The following SAMTOR variants were observed in gnomAD, a reference collection of about 807,000 sequenced individuals.
SAMTOR encodes S-adenosylmethionine sensor upstream of mTORC1.
chr7:112,898,908 C>T, the SAMTOR span, among the ~76,000 whole-genome samples: 1 of 152,166 alleles, frequency 6.6e-6, no homozygotes, highest in Non-Finnish European at 1.5e-5. Context: ...TTACAGTGAC[C>T]ACAGGCTTAG....
At chr7:112,842,406 T>C in the SAMTOR span, among the ~76,000 whole-genome samples, 1 of 151,964 alleles carries the variant, frequency 6.6e-6, no homozygotes, top group Admixed American at 6.6e-5. Flanking sequence ...ACACTCAAGT[T>C]TGCCAGTTTG....
the SAMTOR span, among the ~76,000 whole-genome samples, chr7:112,893,885 G>C: frequency 1.3e-5 from 2 of 152,230 alleles, no homozygotes; most frequent in Non-Finnish European, 2.9e-5. Flanking sequence ...CTGGGCGACA[G>C]AGCGAGACTC....
the SAMTOR span, among the ~76,000 whole-genome samples, chr7:112,831,940 A>G: frequency 1.4e-4 from 22 of 152,330 alleles, no homozygotes; most frequent in South Asian, 4.6e-3. Flanking sequence ...AAAGAAAATA[A>G]TAAACCAAAT....
At chr7:112,821,632 G>A in the SAMTOR span, 1 of 1,004,162 alleles carries the variant, frequency 1.0e-6, no homozygotes, top group Non-Finnish European at 1.4e-6. Flanking sequence ...GTAAACCTCT[G>A]CATTTCTTTT....
the SAMTOR span, among the ~76,000 whole-genome samples, chr7:112,906,921 G>T: frequency 6.6e-6 from 1 of 152,104 alleles, no homozygotes; most frequent in Non-Finnish European, 1.5e-5. Flanking sequence ...GATATCTGTT[G>T]TTCCCAATTT....
chr7:112,851,638 C>T, the SAMTOR span, among the ~76,000 whole-genome samples: 1 of 151,856 alleles, frequency 6.6e-6, no homozygotes, highest in African/African-American at 2.4e-5. Flanking sequence ...TTCAAAAGCA[C>T]GAGAACAAAA....
chr7:112,899,157 T>A, the SAMTOR span, among the ~76,000 whole-genome samples: 1 of 152,020 alleles, frequency 6.6e-6, no homozygotes, highest in Admixed American at 6.6e-5. Context: ...GAATTCCAAA[T>A]AGCTTTTTGA....
the SAMTOR span, among the ~76,000 whole-genome samples, chr7:112,858,745 A>G: frequency 6.6e-6 from 1 of 152,164 alleles, no homozygotes; most frequent in African/African-American, 2.4e-5. Flanking sequence ...CTATGTTCCT[A>G]AAAGTAGAGA....
chr7:112,833,139 T>C, the SAMTOR span, among the ~76,000 whole-genome samples: 6 of 152,154 alleles, frequency 3.9e-5, no homozygotes, highest in Non-Finnish European at 2.9e-5. Flanking sequence ...TCTGGCTTAA[T>C]TGAAGATGAA....
the SAMTOR span, among the ~76,000 whole-genome samples, chr7:112,837,203 G>A: frequency 1.3e-5 from 2 of 151,982 alleles, no homozygotes; most frequent in Admixed American, 6.6e-5. Flanking sequence ...TGGCAATTGT[G>A]GATGGGGTTG....
chr7:112,849,715 C>A, the SAMTOR span, among the ~76,000 whole-genome samples: 13 of 152,204 alleles, frequency 8.5e-5, no homozygotes, highest in African/African-American at 3.1e-4. Context: ...CTCCATTTAG[C>A]ATGATATTGG....
the SAMTOR span, among the ~76,000 whole-genome samples, chr7:112,836,246 G>C: frequency 6.6e-6 from 1 of 152,120 alleles, no homozygotes; most frequent in South Asian, 2.1e-4. Flanking sequence ...TAGTGATGTT[G>C]AGCATTTTTT....
the SAMTOR span, among the ~76,000 whole-genome samples, chr7:112,907,529 T>C: frequency 1.3e-5 from 2 of 151,772 alleles, no homozygotes; most frequent in Non-Finnish European, 2.9e-5. Flanking sequence ...ACTTTCTGTA[T>C]GGCAAAAGAT....
chr7:112,855,052 G>T, the SAMTOR span, among the ~76,000 whole-genome samples: 1 of 152,096 alleles, frequency 6.6e-6, no homozygotes, highest in East Asian at 1.9e-4. Context: ...TTATCAGTAG[G>T]TACTACTACT....
the SAMTOR span, among the ~76,000 whole-genome samples, chr7:112,834,554 A>G: frequency 6.6e-6 from 1 of 152,178 alleles, no homozygotes; most frequent in Non-Finnish European, 1.5e-5. Flanking sequence ...AATTCATGAG[A>G]TTTAAATTGC....
the SAMTOR span, among the ~76,000 whole-genome samples, chr7:112,857,342 C>G: frequency 6.7e-6 from 1 of 148,642 alleles, no homozygotes; most frequent in Non-Finnish European, 1.5e-5. Context: ...CCACCCGCCT[C>G]GGCCTCCCAA....
the SAMTOR span, chr7:112,895,589 T>G: frequency 1.3e-6 from 2 of 1,561,696 alleles, no homozygotes; most frequent in Non-Finnish European, 8.7e-7. Context: ...ATTCAGGGTT[T>G]GTAAAGCTGA....
chr7:112,887,280 TG>T, the SAMTOR span, among the ~76,000 whole-genome samples: 1 of 151,194 alleles, frequency 6.6e-6, no homozygotes, highest in African/African-American at 2.4e-5. Flanking sequence ...AATGTCCTAC[TG>T]GCCTTAGGTT....
At chr7:112,900,522 C>G in the SAMTOR span, among the ~76,000 whole-genome samples, 1 of 152,152 alleles carries the variant, frequency 6.6e-6, no homozygotes. Flanking sequence ...CAAATATCTG[C>G]GTACCTTTTG....
Sources: gnomAD v4.1 joint callset for allele counts (sites outside exome capture counted in the v4.1 genomes callset) on GRCh38, gnomAD v4.1.1 for gene constraint, MANE v1.5 for transcripts, NCBI Gene and HGNC (gene_info 2026-07-23, HGNC 2026-07-21) for gene names.